The following MPND variants were observed in gnomAD, a reference collection of about 807,000 sequenced individuals.
The protein encoded by MPND is MPN domain-containing protein.
In MPND, 56 loss-of-function variants were observed where a neutral mutation model predicts 59.2. The ratio of observed to expected loss-of-function variants is 0.95; its 90% CI spans 0.76 to 1.18. The LOEUF (loss-of-function observed/expected upper bound fraction) is 1.18. MPND is among the 50% of genes most tolerant of loss of function. MPND has a pLI of 0.00. For synonymous variants in MPND, 323 were observed against 291.9 expected (o/e 1.11, Z -1.09); for missense variants, 671 against 676.0 (o/e 0.99, Z 0.08).
At chr19:4,349,843 T>C (rs1218044971) in intron 3 of MPND, among the ~76,000 whole-genome samples, 1 of 152,212 alleles carries the variant, frequency 6.6e-6, no homozygotes, top group Non-Finnish European at 1.5e-5. Flanking sequence ...GAAAGTCACC[T>C]TACTGTAGAT....
chr19:4,357,439 G>C lies in MPND; in HGVS notation c.1165+18G>C, dbSNP rs1972465111. 1.2e-6 allele frequency: 2 copies of C among 1,610,242 alleles called. No homozygotes were observed. The highest frequency in any genetic ancestry group is 1.7e-6 in the Non-Finnish European group (2 of 1,178,224). On this transcript the variant is annotated intron_variant, in intron 9 of 12. Coordinates refer to ENST00000599840, the MANE Select transcript of MPND (RefSeq NM_001300862.2). ...GCTCTGCTGTACGCGGGATGGGGCT[G>C]TGGGGGGAGCAAGGAGGGGGGATGC...
At chr19:4,357,651 G>T in intron 10 of MPND, 66 bp downstream of exon 10, 7 of 1,490,676 alleles carry the variant, frequency 4.7e-6, no homozygotes, top group Non-Finnish European at 6.4e-6. Context: ...TCACGACTAG[G>T]CAGGGGCCCC....
At chr19:4,349,328 G>A (rs1310788652) in intron 3 of MPND, among the ~76,000 whole-genome samples, 2 of 151,670 alleles carry the variant, frequency 1.3e-5, no homozygotes, top group African/African-American at 2.4e-5. Flanking sequence ...CACTCGCTTC[G>A]GTATCCCAAA....
chr19:4,354,457 G>T, intron 6 of MPND, 37 bp downstream of exon 6: 1 of 1,529,380 alleles, frequency 6.5e-7, no homozygotes, highest in Non-Finnish European at 8.9e-7. Flanking sequence ...AAGGGGCTCC[G>T]GAGCCCAGTC....
intron 8 of MPND, 172 bp from the exon 9 acceptor site, chr19:4,357,081 G>C (rs1972453212): frequency 3.8e-6 from 2 of 528,802 alleles, no homozygotes; most frequent in East Asian, 3.4e-5. Flanking sequence ...CTTGTTGGCT[G>C]TCTCTCCAGC....
At chr19:4,357,657 GC>G in intron 10 of MPND, 72 bp downstream of exon 10, 1 of 1,452,874 alleles carries the variant, frequency 6.9e-7, no homozygotes, top group Non-Finnish European at 9.4e-7. Context: ...CTAGGCAGGG[GC>G]CCCTGGTTCC....
At chr19:4,352,448 G>T (rs950276105) in intron 3 of MPND, among the ~76,000 whole-genome samples, 1 of 152,200 alleles carries the variant, frequency 6.6e-6, no homozygotes, top group Non-Finnish European at 1.5e-5. Context: ...ACTTTGGGAG[G>T]CCGAGGTGGG....
Position 4,355,184 on chromosome 19 carries a change from A to G in MPND, c.996+11A>G. 6.2e-7 allele frequency: 1 copy of G among 1,612,308 alleles called. No individual in the cohort carries two copies. Among genetic ancestry groups the G allele is most frequent in the Non-Finnish European group, 8.5e-7 (1 of 1,179,886 alleles). On this transcript the variant is annotated intron_variant, in intron 8 of 12. Coordinates refer to ENST00000599840, the MANE Select transcript of MPND (RefSeq NM_001300862.2). ...GCCATCGAAGAGGAGGTGAGGGGCTACCTGGGAGGTGGCATTCTGGGGAGG... is the reference window on the plus strand; with the variant it reads ...GCCATCGAAGAGGAGGTGAGGGGCTGCCTGGGAGGTGGCATTCTGGGGAGG...
chr19:4,355,857 C>CTTTTTT (rs56331661), intron 8 of MPND, among the ~76,000 whole-genome samples: 1 of 142,638 alleles, frequency 7.0e-6, no homozygotes, highest in Non-Finnish European at 1.5e-5. Context: ...TGCGCCCGGC[C>CTTTTTT]TTTTTTTTTT....
chr19:4,359,982 GTCC>G lies in MPND; in HGVS notation c.1489_1491del (p.Leu497del), dbSNP rs1568402691. ...TCACGTCCTGGAACAGGTGTGCGGCGTCCTCAAGCAGGGGAGCTGAGCCTTCCA... is the reference window on the plus strand; with the variant it reads ...TCACGTCCTGGAACAGGTGTGCGGCGTCAAGCAGGGGAGCTGAGCCTTCCA... On this transcript the variant is annotated inframe_deletion, in exon 13 of 13. Transcript: ENST00000599840. The G allele has an allele frequency of 6.4e-7, 1 of 1,567,038 alleles. No individual in the cohort carries two copies. The highest frequency in any genetic ancestry group is 2.4e-5 in the East Asian group (1 of 41,804).
chr19:4,343,725 C>T lies in MPND; in HGVS notation c.25C>T (p.Pro9Ser). Reference sequence around the variant, plus strand: ...GTCCGCAGCTCCGGAGCCGCTGTCCCCGGCGGGCGGTGCGGGCGAGGAGGC... The same window carrying T: ...GTCCGCAGCTCCGGAGCCGCTGTCCTCGGCGGGCGGTGCGGGCGAGGAGGC... MAAPEPLS[P>S]AGGAGEEAPE... Residue 9 changes from proline to serine, a missense_variant, in exon 2 of 13, where the codon CCG (proline) becomes TCG (serine). By Grantham distance (74) the Pro-to-Ser change is moderately conservative. Coordinates refer to ENST00000599840, the MANE Select transcript of MPND (RefSeq NM_001300862.2). The T allele has an allele frequency of 8.3e-7, 1 of 1,204,992 alleles. No individual in the cohort carries two copies. The highest frequency in any genetic ancestry group is 1.0e-6 in the Non-Finnish European group (1 of 970,726). The allele number at this position is 1,204,992 out of a possible 1,614,324, so 74.6% of individuals were successfully genotyped here. A position where few individuals can be genotyped will look rare whatever the true frequency, so the allele number is the denominator to read the frequency against.
Position 4,352,957 on chromosome 19 carries a change from C to G in MPND, c.592C>G (p.Leu198Val). ...GATGGAAGAGGAGGAGGAGGACGTT[C>G]TGGCAGGGGTCTCAGCAGAGGACAA... ...LLMEEEEEDV[L>V]AGVSAEDKSR... The change falls in exon 4 of 13, where the codon CTG becomes GTG. Residue 198 changes from leucine to valine, a missense_variant. Coordinates refer to ENST00000599840, the MANE Select transcript of MPND (RefSeq NM_001300862.2). 6.4e-6 allele frequency: 9 copies of G among 1,402,610 alleles called. No homozygotes were observed. The highest frequency in any genetic ancestry group is 8.4e-6 in the Non-Finnish European group (9 of 1,069,546). The allele number at this position is 1,402,610 out of a possible 1,614,324, so 86.9% of individuals were successfully genotyped here. A position where few individuals can be genotyped will look rare whatever the true frequency, so the allele number is the denominator to read the frequency against.
chr19:4,356,967 C>T (rs1182472305), intron 8 of MPND: 4 of 327,444 alleles, frequency 1.2e-5, no homozygotes, highest in East Asian at 4.8e-5. Context: ...TGAGTGCTTA[C>T]TGTGTGGCGA....
At position 4,357,428 on chromosome 19, in the gene MPND, G is replaced by T. The variant is rs752107835; in HGVS notation, c.1165+7G>T. 3.7e-6 allele frequency: 6 copies of T among 1,611,146 alleles called. No individual in the cohort carries two copies. The African/African-American group carries it at 8.0e-5, about 22-fold the overall frequency. ...TGCCTCGCCCTGCTCTGCTGTACGCGGGATGGGGCTGTGGGGGGAGCAAGG... is the reference window on the plus strand; with the variant it reads ...TGCCTCGCCCTGCTCTGCTGTACGCTGGATGGGGCTGTGGGGGGAGCAAGG... On this transcript the variant is annotated splice_region_variant and intron_variant, in intron 9 of 12. Transcript: ENST00000599840.
rs772787810 is a variant in MPND, at chr19:4,354,059, G to A, written c.679G>A (p.Gly227Arg). 22 of 1,613,374 alleles carry A rather than the reference G, an allele frequency of 1.4e-5. No individual in the cohort carries two copies. The highest frequency in any genetic ancestry group is 1.8e-5 in the Non-Finnish European group (21 of 1,179,388). Residue 227 changes from glycine to arginine, a missense_variant, in exon 5 of 13, where the codon GGG becomes AGG. Transcript: ENST00000599840. ...TTCTCTCCCAGAGGCCACAACCCCA[G>A]GGAAGCGGGTGGACAGCAAGATCCG... The part of the protein sequence containing the change: ...EPAHPEATTP[G>R]KRVDSKIRVP...
chr19:4,347,243 G>GT lies in MPND; in HGVS notation c.531+1276dup, dbSNP rs138716070. 917 of 139,898 alleles carry GT rather than the reference G, an allele frequency of 6.6e-3. 2 individuals carry two copies. Among genetic ancestry groups the GT allele is most frequent in the African/African-American group, 0.012 (444 of 37,700 alleles). The allele number at this position is 139,898 out of a possible 1,614,324, so 8.7% of individuals were successfully genotyped here. A position where few individuals can be genotyped will look rare whatever the true frequency, so the allele number is the denominator to read the frequency against. On this transcript the variant is annotated intron_variant, in intron 3 of 12. Transcript: ENST00000599840. ...TGTCCTTTCTTCTTTTCGTAGATAT[G>GT]TTTTTTTTTTTTTTCAAGACGGAGT...
Position 4,358,284 on chromosome 19 carries a change from T to C in MPND, c.1326+112T>C, listed in dbSNP as rs903159574. 5.5e-5 allele frequency: 51 copies of C among 921,512 alleles called. No homozygotes were observed. The African/African-American group carries it at 7.5e-4, about 14-fold the overall frequency. The allele number at this position is 921,512 out of a possible 1,614,324, so 57.1% of individuals were successfully genotyped here. ...TGGGAAGCTATGGCTGGTGGCGCCT[T>C]GGGGGCCTGGGTTAGGGCTTCTTCC... On this transcript the variant is annotated intron_variant, in intron 11 of 12. Transcript: ENST00000599840.
intron 3 of MPND, 37 bp downstream of exon 3, chr19:4,346,018 T>C: frequency 6.4e-7 from 1 of 1,570,282 alleles, no homozygotes; most frequent in South Asian, 1.1e-5. Context: ...GCCGCCCAGG[T>C]CACTGTGGAA....
intron 3 of MPND, among the ~76,000 whole-genome samples, chr19:4,350,625 G>A (rs968121677): frequency 2.0e-5 from 3 of 152,204 alleles, no homozygotes; most frequent in South Asian, 2.1e-4. Context: ...GGAGTCCTGA[G>A]CAAGTGGGTG....
Sources: allele counts gnomAD v4.1 joint callset (sites outside exome capture counted in the v4.1 genomes callset), GRCh38; gene constraint gnomAD v4.1.1; transcripts MANE v1.5; gene names NCBI Gene and HGNC (gene_info 2026-07-23, HGNC 2026-07-21).